KLHL1: variants seen among roughly 807,000 people sequenced by gnomAD.
KLHL1 encodes the protein kelch-like protein 1.
KLHL1 carries 47 observed loss-of-function variants against 77.7 expected under a neutral mutation model. The ratio of observed to expected loss-of-function variants is 0.60; its 90% CI spans 0.48 to 0.77. KLHL1 has a LOEUF of 0.77. Among genes scored for constraint, KLHL1 ranks in the 30% least tolerant of loss-of-function variants. The probability of loss-of-function intolerance (pLI) is 0.00; values close to 1 mark genes in which losing one functional copy is unlikely to be tolerated. For missense variants in KLHL1, 925 were observed against 910.8 expected (o/e 1.02, Z -0.20); for synonymous variants, 360 against 325.2 (o/e 1.11, Z -1.15).
chr13:69,811,792 T>G (rs1378520319), intron 6 of KLHL1, among the ~76,000 whole-genome samples: 1 of 152,178 alleles, frequency 6.6e-6, no homozygotes. Flanking sequence ...TTCTTCTCTC[T>G]TTTCTTCTTT....
chr13:69,996,582 T>G (rs1458469808), intron 1 of KLHL1, among the ~76,000 whole-genome samples: 1 of 152,138 alleles, frequency 6.6e-6, no homozygotes, highest in Non-Finnish European at 1.5e-5. Flanking sequence ...TAGGGGAATC[T>G]AAACTTGTTT....
intron 1 of KLHL1, among the ~76,000 whole-genome samples, chr13:70,070,657 C>G (rs764732798): frequency 6.6e-6 from 1 of 151,690 alleles, no homozygotes; most frequent in Non-Finnish European, 1.5e-5. Context: ...AAATTCAGGC[C>G]TACATATAGA....
intron 4 of KLHL1, among the ~76,000 whole-genome samples, chr13:69,928,174 G>C (rs539145849): frequency 6.6e-6 from 1 of 152,284 alleles, no homozygotes; most frequent in South Asian, 2.1e-4. Flanking sequence ...CTGAATTCCA[G>C]TGGAACAGCT....
chr13:70,075,590 C>CAT (rs1566554764), intron 1 of KLHL1, among the ~76,000 whole-genome samples: 2 of 81,136 alleles, frequency 2.5e-5, no homozygotes, highest in African/African-American at 5.7e-5. Flanking sequence ...TATATATATA[C>CAT]ACACACACAC....
intron 7 of KLHL1, among the ~76,000 whole-genome samples, chr13:69,783,833 C>T (rs1876364116): frequency 6.7e-6 from 1 of 150,228 alleles, no homozygotes; most frequent in South Asian, 2.1e-4. Context: ...CAGAGAATGC[C>T]ACAAAGATAC....
intron 10 of KLHL1, among the ~76,000 whole-genome samples, chr13:69,705,303 G>C (rs1875573171): frequency 6.6e-6 from 1 of 151,600 alleles, no homozygotes; most frequent in Non-Finnish European, 1.5e-5. Flanking sequence ...ATACACACGT[G>C]TATCTATACA....
At chr13:69,980,672 G>T (rs1884680497) in intron 1 of KLHL1, among the ~76,000 whole-genome samples, 1 of 151,880 alleles carries the variant, frequency 6.6e-6, no homozygotes, top group Non-Finnish European at 1.5e-5. Flanking sequence ...TCAGCGAATT[G>T]TTTTTTATTT....
intron 5 of KLHL1, among the ~76,000 whole-genome samples, chr13:69,842,457 A>G (rs1280053604): frequency 2.0e-5 from 3 of 151,900 alleles, no homozygotes; most frequent in Admixed American, 6.6e-5. Flanking sequence ...AACATCATTA[A>G]TCATCAGAGA....
chr13:70,053,580 G>A (rs1196235181), intron 1 of KLHL1, among the ~76,000 whole-genome samples: 1 of 152,018 alleles, frequency 6.6e-6, no homozygotes, highest in African/African-American at 2.4e-5. Flanking sequence ...TTAAAAAACA[G>A]TGGTAAGACA....
chr13:69,947,297 T>G (rs547141606), intron 3 of KLHL1, among the ~76,000 whole-genome samples: 1 of 152,200 alleles, frequency 6.6e-6, no homozygotes, highest in Non-Finnish European at 1.5e-5. Flanking sequence ...GGCTTGGGTG[T>G]TCAGGCAAAT....
chr13:70,069,966 A>G (rs890916452), intron 1 of KLHL1, among the ~76,000 whole-genome samples: 3 of 151,962 alleles, frequency 2.0e-5, no homozygotes, highest in African/African-American at 7.3e-5. Flanking sequence ...CAGTAGATCA[A>G]CATCATCCTG....
chr13:69,936,160 G>A (rs563510975), intron 4 of KLHL1, among the ~76,000 whole-genome samples: 1 of 152,146 alleles, frequency 6.6e-6, no homozygotes, highest in South Asian at 2.1e-4. Context: ...ATTCCAACAA[G>A]AGGAAGGTCT....
At chr13:69,712,273 T>TG (rs1306970862) in intron 9 of KLHL1, among the ~76,000 whole-genome samples, 29 of 143,548 alleles carry the variant, frequency 2.0e-4, no homozygotes, top group Non-Finnish European at 3.8e-4. Context: ...TTTTTTTTTT[T>TG]AAGGCGATCT....
Position 69,840,698 on chromosome 13 carries a change from A to ATATATGTATGTATG in KLHL1, c.1228-1537_1228-1536insCATACATACATATA, listed in dbSNP as rs976775077. 4.7e-3 allele frequency among the ~76,000 whole-genome samples: 691 copies of ATATATGTATGTATG among 146,326 alleles called. 7 individuals carry two copies. The highest frequency in any genetic ancestry group is 0.016 in the African/African-American group (628 of 39,614). Reference sequence around the variant, plus strand: ...GAACATTAACTTTATATATATATATATATGTATGTATGTATGTATGTATGT... The same window carrying ATATATGTATGTATG: ...GAACATTAACTTTATATATATATATATATATGTATGTATGTATGTATGTATGTATGTATGTATGT... On this transcript the variant is annotated intron_variant, in intron 5 of 10. Coordinates refer to ENST00000377844, the MANE Select transcript of KLHL1 (RefSeq NM_020866.3).
At chr13:69,764,135 G>T (rs562042704) in intron 7 of KLHL1, among the ~76,000 whole-genome samples, 1 of 152,100 alleles carries the variant, frequency 6.6e-6, no homozygotes, top group African/African-American at 2.4e-5. Context: ...AGCTGCTTCC[G>T]TGCATATTTT....
chr13:69,989,155 T>A (rs1593654555), intron 1 of KLHL1, among the ~76,000 whole-genome samples: 1 of 152,208 alleles, frequency 6.6e-6, no homozygotes, highest in East Asian at 1.9e-4. Flanking sequence ...AAGGAAGGGG[T>A]CCAGTATCAC....
At chr13:69,965,704 A>G (rs923263746) in intron 2 of KLHL1, among the ~76,000 whole-genome samples, 1 of 152,190 alleles carries the variant, frequency 6.6e-6, no homozygotes, top group Non-Finnish European at 1.5e-5. Flanking sequence ...TGTGAATGCA[A>G]AGGAAAAAGT....
chr13:69,709,076 G>A (rs1875760246), intron 9 of KLHL1, among the ~76,000 whole-genome samples: 1 of 151,986 alleles, frequency 6.6e-6, no homozygotes, highest in Non-Finnish European at 1.5e-5. Flanking sequence ...TTTGTGCATT[G>A]CCAAGATGAT....
At chr13:69,819,550 C>A (rs1291832911) in intron 6 of KLHL1, among the ~76,000 whole-genome samples, 2 of 152,054 alleles carry the variant, frequency 1.3e-5, no homozygotes, top group African/African-American at 4.8e-5. Flanking sequence ...TGAACAGACA[C>A]CTGCCTGTTA....
Sources: gnomAD v4.1 joint callset for allele counts (sites outside exome capture counted in the v4.1 genomes callset) on GRCh38, gnomAD v4.1.1 for gene constraint, MANE v1.5 for transcripts, NCBI Gene and HGNC (gene_info 2026-07-23, HGNC 2026-07-21) for gene names.